TACR1: variants seen among roughly 807,000 people sequenced by gnomAD.
The protein encoded by TACR1 is substance-P receptor.
A neutral mutation model predicts 35.8 loss-of-function variants in TACR1; 25 were observed. The ratio of observed to expected loss-of-function variants is 0.70; its 90% confidence interval spans 0.51 to 0.98. TACR1 has a LOEUF of 0.98. Ranked by LOEUF, TACR1 falls within the 50% of genes least tolerant of loss-of-function variation. The pLI is 0.00. For synonymous variants in TACR1, 195 were observed against 206.7 expected, an observed-to-expected ratio of 0.94 and a Z score of 0.48; for missense variants, 478 against 522.9, an observed-to-expected ratio of 0.91 and a Z score of 0.84.
chr2:75,160,714 T>C (rs1427939465), intron 1 of TACR1, among the ~76,000 whole-genome samples: 1 of 132,362 alleles, frequency 7.6e-6, no homozygotes, highest in Non-Finnish European at 1.7e-5. Context: ...AATGGGGAAA[T>C]AGGGATTCCT....
chr2:75,138,939 A>G (rs1183025956), intron 1 of TACR1, among the ~76,000 whole-genome samples: 1 of 152,196 alleles, frequency 6.6e-6, no homozygotes, highest in Non-Finnish European at 1.5e-5. Context: ...CTGTGCAATT[A>G]CAACTGTGGT....
intron 1 of TACR1, chr2:75,154,505 C>CACACACACACACAG (rs1553380998): frequency 0.016 from 2,041 of 131,224 alleles, 211 homozygotes; most frequent in East Asian, 0.084. Flanking sequence ...CACACACACA[C>CACACACACACACAG]ACACACACAC....
intron 1 of TACR1, among the ~76,000 whole-genome samples, chr2:75,194,464 A>G (rs1572995190): frequency 6.6e-6 from 1 of 152,218 alleles, no homozygotes; most frequent in South Asian, 2.1e-4. Context: ...GCTCTGAGAT[A>G]AACAATGAGA....
chr2:75,084,799 C>T (rs1322996493), intron 2 of TACR1, among the ~76,000 whole-genome samples: 1 of 152,068 alleles, frequency 6.6e-6, no homozygotes, highest in African/African-American at 2.4e-5. Flanking sequence ...TTTAATTAGT[C>T]TATTTGATTC....
At chr2:75,149,088 T>C (rs970392961) in intron 1 of TACR1, among the ~76,000 whole-genome samples, 32 of 152,198 alleles carry the variant, frequency 2.1e-4, no homozygotes, top group African/African-American at 7.5e-4. Context: ...TATGTGTTTG[T>C]TTTGCTACCA....
chr2:75,120,882 A>G lies in TACR1; in HGVS notation c.390-114T>C. 3 of 846,880 alleles carry G rather than the reference A, an allele frequency of 3.5e-6. No individual in the cohort carries two copies. In the South Asian group the frequency reaches 6.6e-5, roughly 19 times the overall value. 52.5% of individuals were successfully genotyped at this position (846,880 alleles called of 1,614,324 possible). A position where few individuals can be genotyped will look rare whatever the true frequency, so the allele number is the denominator to read the frequency against. ...CATAGAAACCCTTTGATTCCTGATGATTTGTACAATTATTTTCCAATTCCT... is the reference window on the plus strand; with the variant it reads ...CATAGAAACCCTTTGATTCCTGATGGTTTGTACAATTATTTTCCAATTCCT... On this transcript the variant is annotated intron_variant, in intron 1 of 4. Transcript: ENST00000305249.
At chr2:75,089,194 C>G (rs182030137) in intron 2 of TACR1, among the ~76,000 whole-genome samples, 3 of 152,276 alleles carry the variant, frequency 2.0e-5, no homozygotes, top group Non-Finnish European at 2.9e-5. Flanking sequence ...GCTGTCATGA[C>G]CTTATATAGT....
intron 2 of TACR1, among the ~76,000 whole-genome samples, chr2:75,110,608 TATAATATTATGATAA>T (rs1673731217): frequency 6.6e-6 from 1 of 152,008 alleles, no homozygotes; most frequent in South Asian, 2.1e-4. Context: ...ATTTACTGAT[TATAATATTATGATAA>T]ATAATATTAT....
At chr2:75,080,542 T>A (rs559132854) in intron 2 of TACR1, among the ~76,000 whole-genome samples, 1 of 152,324 alleles carries the variant, frequency 6.6e-6, no homozygotes, top group East Asian at 1.9e-4. Flanking sequence ...AAGAGCATTA[T>A]TAACTGGCTT....
At chr2:75,050,822 G>C (rs919881917) in intron 4 of TACR1, among the ~76,000 whole-genome samples, 1 of 152,216 alleles carries the variant, frequency 6.6e-6, no homozygotes, top group Non-Finnish European at 1.5e-5. Flanking sequence ...GTGCTCTGTG[G>C]GGGGATGAAA....
intron 1 of TACR1, among the ~76,000 whole-genome samples, chr2:75,138,216 C>T (rs186703241): frequency 1.3e-5 from 2 of 152,308 alleles, no homozygotes; most frequent in Admixed American, 1.3e-4. Flanking sequence ...TTCCATAGTG[C>T]AGAGGCCCAG....
intron 2 of TACR1, among the ~76,000 whole-genome samples, chr2:75,068,494 G>A (rs1462928284): frequency 6.6e-6 from 1 of 152,062 alleles, no homozygotes; most frequent in Non-Finnish European, 1.5e-5. Flanking sequence ...GAAAACCCAG[G>A]GCATGATTTG....
intron 1 of TACR1, among the ~76,000 whole-genome samples, chr2:75,121,226 G>A (rs1196182963): frequency 1.3e-5 from 2 of 152,088 alleles, no homozygotes; most frequent in Non-Finnish European, 2.9e-5. Context: ...GTCCTACCTC[G>A]GTCCATACAA....
At chr2:75,087,277 T>A (rs916650504) in intron 2 of TACR1, among the ~76,000 whole-genome samples, 13 of 152,228 alleles carry the variant, frequency 8.5e-5, no homozygotes, top group African/African-American at 3.1e-4. Flanking sequence ...GTAGTTTGCA[T>A]GTTATTTATA....
intron 1 of TACR1, among the ~76,000 whole-genome samples, chr2:75,155,482 C>T (rs1163843649): frequency 6.7e-6 from 1 of 150,332 alleles, no homozygotes; most frequent in Non-Finnish European, 1.5e-5. Context: ...CTCACAACTG[C>T]CCCATTCAAC....
chr2:75,116,905 C>T (rs1018731088), intron 2 of TACR1, among the ~76,000 whole-genome samples: 15 of 150,516 alleles, frequency 1.0e-4, no homozygotes, highest in Admixed American at 2.0e-4. Flanking sequence ...AGTGAAACTC[C>T]GTCTCAAAAA....
intron 1 of TACR1, among the ~76,000 whole-genome samples, chr2:75,179,670 T>C (rs1047275765): frequency 1.3e-5 from 2 of 152,180 alleles, no homozygotes; most frequent in African/African-American, 4.8e-5. Flanking sequence ...GTGATGTGTA[T>C]TGCTTCTGGA....
At chr2:75,070,434 T>C (rs17010730) in intron 2 of TACR1, among the ~76,000 whole-genome samples, 37,163 of 152,086 alleles carry the variant, frequency 0.24, 5,868 homozygotes, top group African/African-American at 0.42. Context: ...TTAACTTTTC[T>C]AAATGAAATC....
intron 1 of TACR1, among the ~76,000 whole-genome samples, chr2:75,131,867 T>G (rs1674185288): frequency 6.6e-6 from 1 of 152,206 alleles, no homozygotes; most frequent in Admixed American, 6.5e-5. Context: ...TGGTTATATT[T>G]TATTTAAAAT....
Sources: allele counts gnomAD v4.1 joint callset (sites outside exome capture counted in the v4.1 genomes callset), GRCh38; gene constraint gnomAD v4.1.1; transcripts MANE v1.5; gene names NCBI Gene and HGNC (gene_info 2026-07-23, HGNC 2026-07-21).